EML4: variants seen among roughly 807,000 people sequenced by gnomAD.
EML4 encodes the protein echinoderm microtubule-associated protein-like 4.
EML4 carries 72 observed loss-of-function variants against 129.0 expected under a neutral mutation model. That is an observed-to-expected ratio of 0.56 (90% CI 0.46 to 0.68). The LOEUF (loss-of-function observed/expected upper bound fraction) is 0.68, where lower values mean the gene tolerates loss of function less well. Ranked by LOEUF, EML4 falls within the 30% of genes least tolerant of loss-of-function variation. The probability of loss-of-function intolerance (pLI) is 0.00; values close to 1 mark genes in which losing one functional copy is unlikely to be tolerated. For missense variants in EML4, 1,363 were observed against 1,190.6 expected (o/e 1.14, Z -2.13); for synonymous variants, 532 against 405.0 (o/e 1.31, Z -3.77).
chr2:42,201,558 A>G (rs945146582), intron 1 of EML4, among the ~76,000 whole-genome samples: 2 of 152,328 alleles, frequency 1.3e-5, no homozygotes, highest in Non-Finnish European at 2.9e-5. Context: ...TCTCATGTTC[A>G]TTGGAGCATT....
chr2:42,278,442 T>C (rs1666782055), intron 6 of EML4, among the ~76,000 whole-genome samples: 1 of 151,838 alleles, frequency 6.6e-6, no homozygotes. Flanking sequence ...GTTGTGATGG[T>C]GCATGCCTGT....
At chr2:42,252,982 T>C (rs1675880647) in intron 2 of EML4, among the ~76,000 whole-genome samples, 1 of 152,194 alleles carries the variant, frequency 6.6e-6, no homozygotes, top group South Asian at 2.1e-4. Context: ...GCCTTATATA[T>C]GTTTGTAAAC....
intron 1 of EML4, among the ~76,000 whole-genome samples, chr2:42,214,828 C>T (rs1673086445): frequency 6.6e-6 from 1 of 152,160 alleles, no homozygotes; most frequent in East Asian, 1.9e-4. Context: ...TAAAGGGCAG[C>T]TCAGTTCTCC....
intron 1 of EML4, among the ~76,000 whole-genome samples, chr2:42,198,211 T>A (rs1328440823): frequency 1.3e-5 from 2 of 152,194 alleles, no homozygotes; most frequent in Non-Finnish European, 2.9e-5. Context: ...TGACTTAAAA[T>A]TGAATTTTTT....
intron 3 of EML4, among the ~76,000 whole-genome samples, chr2:42,258,794 C>T (rs995153760): frequency 2.0e-5 from 3 of 152,164 alleles, no homozygotes; most frequent in Non-Finnish European, 2.9e-5. Context: ...AGAAGTGCAT[C>T]AGGTTAAGAA....
intron 1 of EML4, among the ~76,000 whole-genome samples, chr2:42,178,175 A>G (rs1193377218): frequency 6.6e-6 from 1 of 152,218 alleles, no homozygotes; most frequent in Admixed American, 6.5e-5. Flanking sequence ...CAAACTCAGT[A>G]TGTAAAGAAG....
intron 6 of EML4, among the ~76,000 whole-genome samples, chr2:42,270,659 C>T (rs539495418): frequency 6.6e-6 from 1 of 152,256 alleles, no homozygotes; most frequent in African/African-American, 2.4e-5. Flanking sequence ...TATTGTGTCA[C>T]CTATTGAGAG....
At chr2:42,320,691 C>T (rs144392936) in intron 19 of EML4, among the ~76,000 whole-genome samples, 48 of 152,192 alleles carry the variant, frequency 3.2e-4, no homozygotes, top group Middle Eastern at 3.4e-3. Flanking sequence ...TTTAAGTGTC[C>T]TGATTGACCT....
chr2:42,325,255 T>G, intron 19 of EML4: 1 of 608,066 alleles, frequency 1.6e-6, no homozygotes, highest in Non-Finnish European at 3.2e-6. Flanking sequence ...AGGTGCTAGT[T>G]TCTGGTATCT....
intron 13 of EML4, among the ~76,000 whole-genome samples, chr2:42,300,558 A>G (rs1346148576): frequency 2.0e-5 from 3 of 152,152 alleles, no homozygotes; most frequent in Non-Finnish European, 4.4e-5. Flanking sequence ...TACTGAAATT[A>G]TTCTCTGCTA....
rs370163853 is a variant in EML4, at chr2:42,288,537, A to G, written c.1218+215A>G. 1.8e-3 allele frequency: 517 copies of G among 289,070 alleles called. 2 individuals are homozygous for G. Among genetic ancestry groups the G allele is most frequent in the African/African-American group, 9.9e-3 (457 of 46,146 alleles). The allele number at this position is 289,070 out of a possible 1,614,324, so 17.9% of individuals were successfully genotyped here. ...AGTCAAGCAACTTGAAGCAATTTCA[A>G]TATTTCAGACATTACTATAGTCCTG... On this transcript the variant is annotated intron_variant, in intron 11 of 22. Coordinates refer to ENST00000318522, the MANE Select transcript of EML4 (RefSeq NM_019063.5).
chr2:42,329,043 G>C, intron 22 of EML4, 27 bp downstream of exon 22: 1 of 1,599,156 alleles, frequency 6.3e-7, no homozygotes. Context: ...AGAAACTAAT[G>C]TTATAAGGCC....
At chr2:42,221,403 CTTTTTTTTTTTT>C (rs74816568) in intron 1 of EML4, among the ~76,000 whole-genome samples, 2 of 108,264 alleles carry the variant, frequency 1.8e-5, no homozygotes, top group Middle Eastern at 5.1e-3. Flanking sequence ...ACATGGTTTA[CTTTTTTTTTTTT>C]TTTTTTTTTT....
chr2:42,307,293 C>T (rs540458668), intron 17 of EML4, among the ~76,000 whole-genome samples: 1 of 152,310 alleles, frequency 6.6e-6, no homozygotes, highest in South Asian at 2.1e-4. Context: ...ATTTTAGTGA[C>T]TTAAACTAAA....
At chr2:42,297,192 A>G (rs552164834) in intron 13 of EML4, among the ~76,000 whole-genome samples, 4 of 152,162 alleles carry the variant, frequency 2.6e-5, no homozygotes, top group South Asian at 4.2e-4. Flanking sequence ...TATATTATCA[A>G]CTACTTTTCC....
At chr2:42,217,917 C>A (rs79585748) in intron 1 of EML4, among the ~76,000 whole-genome samples, 2 of 151,992 alleles carry the variant, frequency 1.3e-5, no homozygotes, top group Non-Finnish European at 2.9e-5. Context: ...TTGGAACATC[C>A]GTAGGGTACT....
At chr2:42,307,254 T>C (rs888961031) in intron 17 of EML4, among the ~76,000 whole-genome samples, 31 of 152,226 alleles carry the variant, frequency 2.0e-4, no homozygotes, top group African/African-American at 6.5e-4. Flanking sequence ...GAAGTCATCA[T>C]TGACAAGCTT....
chr2:42,208,444 C>CT (rs765916018), intron 1 of EML4, among the ~76,000 whole-genome samples: 1,616 of 139,410 alleles, frequency 0.012, 17 homozygotes, highest in East Asian at 0.053. Context: ...CTTTTCTTTT[C>CT]TTTTTTTTTT....
At chr2:42,310,230 CATT>C (rs1668856618) in intron 17 of EML4, among the ~76,000 whole-genome samples, 1 of 152,164 alleles carries the variant, frequency 6.6e-6, no homozygotes, top group African/African-American at 2.4e-5. Context: ...TAGTTGTAAT[CATT>C]ATGGGATTCT....
Sources: allele counts gnomAD v4.1 joint callset (sites outside exome capture counted in the v4.1 genomes callset), GRCh38; gene constraint gnomAD v4.1.1; transcripts MANE v1.5; gene names NCBI Gene and HGNC (gene_info 2026-07-23, HGNC 2026-07-21).